CD82: variants seen among roughly 807,000 people sequenced by gnomAD.
The protein encoded by CD82 is CD82 molecule.
A neutral mutation model predicts 37.4 loss-of-function variants in CD82; 36 were observed. The ratio of observed to expected loss-of-function variants is 0.96; its 90% CI spans 0.74 to 1.27. The LOEUF (loss-of-function observed/expected upper bound fraction) is 1.27. Among genes scored for constraint, CD82 ranks in the 50% most tolerant of loss-of-function variants. CD82 has a pLI of 0.00. For missense variants in CD82, 340 were observed against 347.0 expected (o/e 0.98, Z 0.16); for synonymous variants, 158 against 137.4 (o/e 1.15, Z -1.05).
rs558107867 is a variant in CD82 at position 44,609,422 on chromosome 11, C to G, written c.336+3993C>G. 5.9e-5 allele frequency among the ~76,000 whole-genome samples: 9 copies of G among 152,140 alleles called. No homozygotes were observed. In the South Asian group the frequency reaches 1.9e-3, roughly 32 times the overall value. ...CTGTGCCAGGGAGGCCCCTGAGGCT[C>G]TGAGTGCTGTCACGCTCAAGCAGAA... On this transcript the variant is annotated intron_variant, in intron 6 of 9. Transcript: ENST00000227155.
chr11:44,579,429 G>T (rs958095546), intron 1 of CD82, among the ~76,000 whole-genome samples: 1 of 152,084 alleles, frequency 6.6e-6, no homozygotes, highest in South Asian at 2.1e-4. Context: ...CCTCACCGCA[G>T]GCTCCCCTAG....
intron 1 of CD82, among the ~76,000 whole-genome samples, chr11:44,573,809 G>A (rs1039078065): frequency 2.6e-5 from 4 of 152,176 alleles, no homozygotes; most frequent in Non-Finnish European, 4.4e-5. Context: ...TGTCAGCCAG[G>A]CCTAGCTATG....
intron 2 of CD82, among the ~76,000 whole-genome samples, chr11:44,592,215 C>T (rs1853155829): frequency 2.0e-5 from 3 of 152,188 alleles, no homozygotes; most frequent in Non-Finnish European, 2.9e-5. Context: ...AACCCCTTTC[C>T]CGGACTTTCT....
intron 6 of CD82, among the ~76,000 whole-genome samples, chr11:44,614,946 G>C (rs566335898): frequency 8.5e-5 from 13 of 152,348 alleles, no homozygotes; most frequent in African/African-American, 2.6e-4. Flanking sequence ...CAGACAAGTG[G>C]TGTAGGACCT....
At chr11:44,615,410 T>G (rs2134692753) in intron 7 of CD82, 37 bp downstream of exon 7, 1 of 1,281,978 alleles carries the variant, frequency 7.8e-7, no homozygotes, top group African/African-American at 1.4e-5. Flanking sequence ...CTCTCTGGCC[T>G]GGGTGTCCCT....
chr11:44,602,973 G>GTTC (rs1853329216), intron 4 of CD82, among the ~76,000 whole-genome samples: 1 of 152,200 alleles, frequency 6.6e-6, no homozygotes, highest in African/African-American at 2.4e-5. Context: ...CAGCCACAGA[G>GTTC]GGTGGTTGCT....
At chr11:44,605,842 A>G (rs12795496) in intron 6 of CD82, among the ~76,000 whole-genome samples, 27,800 of 152,270 alleles carry the variant, frequency 0.18, 2,817 homozygotes, top group East Asian at 0.27. Context: ...TCTTGTTATT[A>G]TTAAGATACT....
Position 44,594,629 on chromosome 11 carries a change from C to G in CD82, c.-20-14C>G. The G allele has an allele frequency of 6.3e-7, 1 of 1,582,004 alleles. No individual in the cohort carries two copies. Among genetic ancestry groups the G allele is most frequent in the Admixed American group, 1.7e-5 (1 of 59,978 alleles). On this transcript the variant is annotated splice_polypyrimidine_tract_variant and intron_variant, in intron 2 of 9. Coordinates refer to ENST00000227155, the MANE Select transcript of CD82 (RefSeq NM_002231.4). ...CTGATCCCCTCACTGGCCTGCCTGC[C>G]TTCTCTCTTCCAGGAAGCTCCAGGA...
chr11:44,571,388 G>A (rs920599826), intron 1 of CD82, among the ~76,000 whole-genome samples: 2 of 152,134 alleles, frequency 1.3e-5, no homozygotes, highest in Admixed American at 6.5e-5. Flanking sequence ...CCAGCTAGGC[G>A]TGACTTTGTG....
At chr11:44,580,006 G>A (rs890702341) in intron 1 of CD82, among the ~76,000 whole-genome samples, 36 of 152,312 alleles carry the variant, frequency 2.4e-4, no homozygotes, top group African/African-American at 8.7e-4. Flanking sequence ...TGGCTCCAGG[G>A]AGCCACAGAC....
intron 1 of CD82, among the ~76,000 whole-genome samples, chr11:44,579,845 C>T (rs1341880522): frequency 1.3e-5 from 2 of 152,138 alleles, no homozygotes; most frequent in African/African-American, 2.4e-5. Context: ...GAGCTGGGCT[C>T]CCGTCATGGA....
chr11:44,584,425 T>G (rs755724583), intron 1 of CD82, among the ~76,000 whole-genome samples: 4 of 152,158 alleles, frequency 2.6e-5, no homozygotes, highest in Non-Finnish European at 4.4e-5. Flanking sequence ...TAGCTGAGAT[T>G]ACAGGCACCC....
intron 1 of CD82, among the ~76,000 whole-genome samples, chr11:44,569,644 C>A (rs969814376): frequency 2.0e-5 from 3 of 152,136 alleles, no homozygotes; most frequent in Non-Finnish European, 2.9e-5. Context: ...ACAAATACAA[C>A]CCCAACACAG....
chr11:44,617,733 C>T (rs1853586168), intron 7 of CD82, among the ~76,000 whole-genome samples: 1 of 152,180 alleles, frequency 6.6e-6, no homozygotes, highest in South Asian at 2.1e-4. Flanking sequence ...ACTTTGCCTG[C>T]CTCATCCCAT....
At chr11:44,576,199 G>A (rs1415389736) in intron 1 of CD82, among the ~76,000 whole-genome samples, 1 of 152,192 alleles carries the variant, frequency 6.6e-6, no homozygotes, top group Non-Finnish European at 1.5e-5. Flanking sequence ...ACTTTCTCCT[G>A]TCAAGCCTGG....
chr11:44,566,692 A>G (rs1852740232), intron 1 of CD82, among the ~76,000 whole-genome samples: 1 of 152,210 alleles, frequency 6.6e-6, no homozygotes, highest in Admixed American at 6.5e-5. Context: ...ATGTGTATAC[A>G]CTACTTAGCA....
intron 2 of CD82, among the ~76,000 whole-genome samples, chr11:44,594,431 C>G (rs539693981): frequency 6.6e-6 from 1 of 152,198 alleles, no homozygotes; most frequent in African/African-American, 2.4e-5. Flanking sequence ...GTGGCTGATC[C>G]GGATCCTAAC....
At chr11:44,574,873 A>G (rs1224410636) in intron 1 of CD82, among the ~76,000 whole-genome samples, 1 of 152,144 alleles carries the variant, frequency 6.6e-6, no homozygotes, top group Admixed American at 6.5e-5. Flanking sequence ...ATCTTCTGTG[A>G]CCTGGTTAAG....
In CD82 at chr11:44,597,708, C is replaced by G. The variant is rs895862237; in HGVS notation, c.64-2450C>G. On this transcript the variant is annotated intron_variant, in intron 3 of 9. Coordinates refer to ENST00000227155, the MANE Select transcript of CD82 (RefSeq NM_002231.4). The surrounding 1 kb of genome is among the most constrained non-coding windows in gnomAD (Gnocchi z 4.1). Reference sequence around the variant, plus strand: ...CTTTTGGTAGGGGCTGTCCTCCCTCCTGTCCCACCCTGTGAATGTGGGAGG... The same window carrying G: ...CTTTTGGTAGGGGCTGTCCTCCCTCGTGTCCCACCCTGTGAATGTGGGAGG... Among the ~76,000 whole-genome samples, 1 of 152,232 alleles carries G rather than the reference C, an allele frequency of 6.6e-6. No individual in the cohort carries two copies. The highest frequency in any genetic ancestry group is 1.5e-5 in the Non-Finnish European group (1 of 68,042).
Sources: allele counts gnomAD v4.1 joint callset (sites outside exome capture counted in the v4.1 genomes callset), GRCh38; gene constraint gnomAD v4.1.1; non-coding constraint Gnocchi (gnomAD v3.1); transcripts MANE v1.5; gene names NCBI Gene and HGNC (gene_info 2026-07-23, HGNC 2026-07-21).